ABR: variants seen among roughly 807,000 people sequenced by gnomAD.
ABR encodes active breakpoint cluster region-related protein.
Under a neutral mutation model 107.2 loss-of-function variants are expected in ABR, and 35 were observed. The observed-to-expected ratio is 0.33, with a 90% CI of 0.25 to 0.43. The LOEUF (loss-of-function observed/expected upper bound fraction) is 0.43, where lower values mean the gene tolerates loss of function less well. ABR is among the 20% of genes least tolerant of loss of function. The pLI is 1.00. For synonymous variants in ABR, 498 were observed against 462.0 expected (o/e 1.08, Z -1.00); for missense variants, 815 against 1,115.2 (o/e 0.73, Z 3.83).
intron 1 of ABR, among the ~76,000 whole-genome samples, chr17:1,201,403 G>A (rs114172141): frequency 0.039 from 5,951 of 152,122 alleles, 216 homozygotes; most frequent in African/African-American, 0.1. Context: ...CCCGCACAGC[G>A]CCTGTTCCCT....
intron 3 of ABR, among the ~76,000 whole-genome samples, chr17:1,093,500 A>G (rs1161722098): frequency 1.3e-5 from 2 of 152,146 alleles, no homozygotes; most frequent in African/African-American, 4.8e-5. Context: ...GACTTAATCT[A>G]CGTTGCTCTG....
At chr17:1,066,963 A>G in intron 10 of ABR, 114 bp downstream of exon 10, 1 of 1,122,500 alleles carries the variant, frequency 8.9e-7, no homozygotes. Context: ...TCCCTTAGTA[A>G]CTACACACTC....
Position 1,056,998 on chromosome 17 carries a change from C to T in ABR, c.1486G>A (p.Asp496Asn), listed in dbSNP as rs2033357909. The T allele has an allele frequency of 1.2e-6, 2 of 1,604,042 alleles. No homozygotes were observed. The highest frequency in any genetic ancestry group is 1.7e-6 in the Non-Finnish European group (2 of 1,171,926). ...GGCCACCTCTGGTTCCCGAGCTTAC[C>T]GTCTTTATTGCTGGTGACAGGAATG... ...HNIPVTSNKD[D>N]DESPGLYGFL... The change falls in exon 13 of 23, where the codon GAC (aspartate) becomes AAC (asparagine). Residue 496 changes from aspartate (D) to asparagine (N), a missense_variant and splice_region_variant. Asp to Asn is a conservative substitution (Grantham distance 23). Around this residue, in one of 5 missense-constraint regions of ABR, gnomAD observed 385 missense variants for 596.9 expected, o/e 0.64. Transcript: ENST00000302538.
chr17:1,080,413 CT>C (rs1420242617), intron 5 of ABR, among the ~76,000 whole-genome samples: 1 of 152,186 alleles, frequency 6.6e-6, no homozygotes, highest in African/African-American at 2.4e-5. Context: ...CCAGCCCCAG[CT>C]TTTGCTAACA....
chr17:1,078,713 C>T lies in ABR; in HGVS notation c.700+617G>A. On this transcript the variant is annotated intron_variant, in intron 6 of 22. Transcript: ENST00000302538. The surrounding 1 kb of genome is among the most constrained non-coding windows in gnomAD (Gnocchi z 7.5). ...GTCCAGCCGCTCGCCCACCCTCCTT[C>T]CCTGCGGCCCTCTAACCTCCCCGGC... is the stretch of plus-strand genomic sequence containing the variant. 8.0e-7 allele frequency: 1 copy of T among 1,253,996 alleles called. No homozygotes were observed. Among genetic ancestry groups the T allele is most frequent in the Non-Finnish European group, 1.1e-6 (1 of 907,576 alleles). 77.7% of individuals were successfully genotyped at this position (1,253,996 alleles called of 1,614,324 possible).
chr17:1,029,939 C>A (rs896902976), intron 16 of ABR, among the ~76,000 whole-genome samples: 3 of 151,702 alleles, frequency 2.0e-5, no homozygotes, highest in Non-Finnish European at 4.4e-5. Flanking sequence ...CTGACCCCTG[C>A]GTCCACGACA....
At chr17:1,029,102 CAAA>C (rs11477288) in intron 16 of ABR, among the ~76,000 whole-genome samples, 17 of 126,858 alleles carry the variant, frequency 1.3e-4, no homozygotes, top group Non-Finnish European at 1.4e-4. Context: ...TGATTTGAGG[CAAA>C]AAAAAAAAAA....
At chr17:1,147,890 T>G (rs1567825546) in intron 1 of ABR, among the ~76,000 whole-genome samples, 1 of 152,166 alleles carries the variant, frequency 6.6e-6, no homozygotes, top group East Asian at 1.9e-4. Flanking sequence ...CACCCTCTTC[T>G]GGGGAAAGAC....
intron 16 of ABR, among the ~76,000 whole-genome samples, chr17:1,020,176 G>A (rs954654494): frequency 8.5e-5 from 13 of 152,082 alleles, no homozygotes; most frequent in African/African-American, 2.2e-4. Flanking sequence ...CTCCACCTTC[G>A]GGTTCGAGCG....
rs761825401 is a variant in ABR at position 1,084,072 on chromosome 17, C to T, written c.532-445G>A. On this transcript the variant is annotated intron_variant, in intron 4 of 22. Transcript: ENST00000302538. The surrounding 1 kb of genome is among the most constrained non-coding windows in gnomAD (Gnocchi z 4.2). ...TGTGGCCTGCTCAGGCCTCCCTCCCCACGTGCAGCGTGGGGAACGACATTT... is the reference window on the plus strand; with the variant it reads ...TGTGGCCTGCTCAGGCCTCCCTCCCTACGTGCAGCGTGGGGAACGACATTT... Among the ~76,000 whole-genome samples, 2 of 152,200 alleles carry T rather than the reference C, an allele frequency of 1.3e-5. No individual in the cohort carries two copies. Among genetic ancestry groups the T allele is most frequent in the African/African-American group, 4.8e-5 (2 of 41,470 alleles).
Position 1,083,571 on chromosome 17 carries a change from C to T in ABR, c.588G>A (p.Glu196=), listed in dbSNP as rs2036403768. 1.9e-6 allele frequency: 3 copies of T among 1,613,478 alleles called. No homozygotes were observed. The highest frequency in any genetic ancestry group is 4.5e-5 in the East Asian group (2 of 44,846). The change falls in exon 5 of 23, where the codon GAG becomes GAA. Residue 196 remains glutamate, a synonymous_variant. Transcript: ENST00000302538. ...TGGACTGGCTGCACTTCTCAGCTGT[C>T]TCCAGAGCGACTTTATAGTTATCGA... is the stretch of plus-strand genomic sequence containing the variant. ...AFVDNYKVAL[E]TAEKCSQSNN...
chr17:1,193,427 A>G lies in ABR; in HGVS notation c.838+35366T>C, dbSNP rs1304546561. Reference sequence around the variant, plus strand: ...TTCACTCTTCGCAAGCAGCCTCTCTATGTGGAAGCCACAGTCACCACGCCC... The same window carrying G: ...TTCACTCTTCGCAAGCAGCCTCTCTGTGTGGAAGCCACAGTCACCACGCCC... On this transcript the variant is annotated intron_variant, in intron 1 of 22. Transcript: ENST00000574139. Among the ~76,000 whole-genome samples the G allele has an allele frequency of 3.9e-5, 6 of 152,280 alleles. No individual in the cohort carries two copies. In the South Asian group the frequency reaches 6.2e-4, roughly 16 times the overall value.
Position 1,011,763 on chromosome 17 carries a change from T to C in ABR, c.2101+83A>G, listed in dbSNP as rs1019876749. 3.2e-5 allele frequency: 47 copies of C among 1,473,238 alleles called. No individual in the cohort carries two copies. In the African/African-American group the frequency reaches 6.2e-4, roughly 19 times the overall value. The allele number at this position is 1,473,238 out of a possible 1,614,324, so 91.3% of individuals were successfully genotyped here. On this transcript the variant is annotated intron_variant, in intron 19 of 22. Coordinates refer to ENST00000302538, the MANE Select transcript of ABR (RefSeq NM_021962.5). The surrounding 1 kb of genome is among the most constrained non-coding windows in gnomAD (Gnocchi z 4.8). ...CAAGCCTCCTCTCCAGGGAGGCTCC[T>C]GGTTCCCCCGAGCTCTCCTGTCCAT...
At chr17:1,045,671 A>G (rs556632686) in intron 16 of ABR, among the ~76,000 whole-genome samples, 211 of 152,336 alleles carry the variant, frequency 1.4e-3, no homozygotes, top group Non-Finnish European at 2.2e-3. Context: ...AGATGGAAGC[A>G]TTTAGCACCG....
chr17:1,049,420 C>A (rs2032180502), intron 16 of ABR, among the ~76,000 whole-genome samples: 1 of 152,144 alleles, frequency 6.6e-6, no homozygotes, highest in Admixed American at 6.5e-5. Flanking sequence ...CCCACCTCGG[C>A]CTCCCAAGGT....
chr17:1,010,957 G>A lies in ABR; in HGVS notation c.2102-94C>T. On this transcript the variant is annotated intron_variant, in intron 19 of 22. Transcript: ENST00000302538. This position sits in a 1 kb window ranked among gnomAD's most constrained non-coding sequence, Gnocchi z 4.1. The stretch of plus-strand genomic sequence containing the variant: ...CCTGACACAGCCCCCACCCACTCCA[G>A]CTCTGGTTCTGGTCTCCCCTGGAAG... The A allele has an allele frequency of 3.9e-6, 6 of 1,523,410 alleles. No individual in the cohort carries two copies. The highest frequency in any genetic ancestry group is 1.7e-5 in the Admixed American group (1 of 58,370). 94.4% of individuals were successfully genotyped at this position (1,523,410 alleles called of 1,614,324 possible). A position where few individuals can be genotyped will look rare whatever the true frequency, so the allele number is the denominator to read the frequency against.
At chr17:1,040,863 C>A (rs2030297336) in intron 16 of ABR, among the ~76,000 whole-genome samples, 1 of 152,364 alleles carries the variant, frequency 6.6e-6, no homozygotes, top group African/African-American at 2.4e-5. Flanking sequence ...CTCAGCCCCG[C>A]AAGATCTGTC....
intron 16 of ABR, among the ~76,000 whole-genome samples, chr17:1,038,165 C>A (rs567121259): frequency 3.3e-5 from 5 of 152,156 alleles, no homozygotes; most frequent in Non-Finnish European, 7.3e-5. Context: ...AATTCCCACG[C>A]CCCACAGGCA....
At chr17:1,162,755 C>T (rs192992198) in intron 1 of ABR, among the ~76,000 whole-genome samples, 45 of 147,464 alleles carry the variant, frequency 3.1e-4, no homozygotes, top group African/African-American at 5.3e-4. Flanking sequence ...CCAAGCACCC[C>T]GGCTCACACC....
Sources: allele counts gnomAD v4.1 joint callset (sites outside exome capture counted in the v4.1 genomes callset), GRCh38; gene constraint gnomAD v4.1.1; regional missense constraint gnomAD v4.1.1; non-coding constraint Gnocchi (gnomAD v3.1); transcripts MANE v1.5; gene names NCBI Gene and HGNC (gene_info 2026-07-23, HGNC 2026-07-21).